The following METAP1 variants were observed in gnomAD, a reference collection of about 807,000 sequenced individuals.
The protein encoded by METAP1 is methionine aminopeptidase 1.
METAP1 carries 28 observed loss-of-function variants against 53.8 expected under a neutral mutation model. The observed-to-expected ratio is 0.52, with a 90% CI of 0.39 to 0.71. METAP1 has a LOEUF of 0.71. Ranked by LOEUF, METAP1 falls within the 30% of genes least tolerant of loss-of-function variation. The pLI, the probability that METAP1 is intolerant of heterozygous loss-of-function variation, is 0.00. For synonymous variants in METAP1, 181 were observed against 165.7 expected, an observed-to-expected ratio of 1.09 and a Z score of -0.71; for missense variants, 389 against 479.8, an observed-to-expected ratio of 0.81 and a Z score of 1.77.
At chr4:99,012,988 GTC>G (rs2110289864) in intron 1 of METAP1, among the ~76,000 whole-genome samples, 1 of 152,230 alleles carries the variant, frequency 6.6e-6, no homozygotes, top group South Asian at 2.1e-4. Context: ...AGAAAGGAGT[GTC>G]TGGATTAAAA....
At chr4:99,037,465 T>C (rs1485139656) in intron 4 of METAP1, among the ~76,000 whole-genome samples, 1 of 151,994 alleles carries the variant, frequency 6.6e-6, no homozygotes, top group East Asian at 1.9e-4. Flanking sequence ...ATCATTTGTA[T>C]ATCTGAAACT....
chr4:99,048,368 CT>C (rs34099231), intron 8 of METAP1, among the ~76,000 whole-genome samples: 30 of 148,492 alleles, frequency 2.0e-4, no homozygotes, highest in East Asian at 5.9e-4. Context: ...ATAGTAATTA[CT>C]TTTTTTTTTT....
intron 1 of METAP1, among the ~76,000 whole-genome samples, chr4:99,005,117 C>A (rs747305266): frequency 6.6e-6 from 1 of 152,034 alleles, no homozygotes; most frequent in African/African-American, 2.4e-5. Context: ...AGTGGTTGTA[C>A]TTCAAAATAA....
At chr4:99,050,456 A>G (rs931876122) in intron 9 of METAP1, among the ~76,000 whole-genome samples, 4 of 152,206 alleles carry the variant, frequency 2.6e-5, no homozygotes, top group African/African-American at 9.7e-5. Flanking sequence ...GTGAGGTGGT[A>G]AAATCCTAGA....
intron 1 of METAP1, among the ~76,000 whole-genome samples, chr4:98,997,151 T>C (rs918508337): frequency 6.6e-6 from 1 of 152,230 alleles, no homozygotes; most frequent in African/African-American, 2.4e-5. Context: ...AAGGCAGATA[T>C]ATGAACACAA....
At chr4:99,004,490 C>CACAT (rs1449676285) in intron 1 of METAP1, among the ~76,000 whole-genome samples, 38 of 38,636 alleles carry the variant, frequency 9.8e-4, no homozygotes, top group African/African-American at 2.0e-3. Context: ...CACATACACA[C>CACAT]ACACACACAC....
chr4:99,034,389 C>A, intron 3 of METAP1, 47 bp downstream of exon 3: 1 of 1,091,198 alleles, frequency 9.2e-7, no homozygotes, highest in Non-Finnish European at 1.4e-6. Flanking sequence ...TTGAATTTTC[C>A]AAAAATGATA....
At chr4:99,034,960 A>T (rs1560718035) in intron 3 of METAP1, among the ~76,000 whole-genome samples, 2 of 152,166 alleles carry the variant, frequency 1.3e-5, no homozygotes, top group African/African-American at 4.8e-5. Flanking sequence ...AATTCTCTTT[A>T]CTGATGATTT....
At chr4:99,014,340 G>A (rs1190811531) in intron 1 of METAP1, among the ~76,000 whole-genome samples, 15 of 152,236 alleles carry the variant, frequency 9.9e-5, no homozygotes, top group African/African-American at 3.6e-4. Flanking sequence ...TAATCATTAC[G>A]CAAACACCAC....
At chr4:99,012,483 C>T (rs967476112) in intron 1 of METAP1, among the ~76,000 whole-genome samples, 3 of 151,812 alleles carry the variant, frequency 2.0e-5, no homozygotes, top group African/African-American at 7.3e-5. Flanking sequence ...CCATGTTGGC[C>T]AGGCTAGTCT....
rs1726786954 is a variant in METAP1, at chr4:99,052,532, G to A, written c.931+3656G>A. 2.0e-5 allele frequency among the ~76,000 whole-genome samples: 3 copies of A among 152,134 alleles called. No homozygotes were observed. In the South Asian group the frequency reaches 6.2e-4, roughly 32 times the overall value. Reference sequence around the variant, plus strand: ...AGCAGGAGCAAGAGAGAGAGTGCATGGGAGGAGAAACAACCAGATCTCATG... The same window carrying A: ...AGCAGGAGCAAGAGAGAGAGTGCATAGGAGGAGAAACAACCAGATCTCATG... On this transcript the variant is annotated intron_variant, in intron 9 of 10. Coordinates refer to ENST00000296411, the MANE Select transcript of METAP1 (RefSeq NM_015143.3).
At chr4:99,026,475 T>TA (rs2110325159) in intron 1 of METAP1, 1 of 985,402 alleles carries the variant, frequency 1.0e-6, no homozygotes, top group African/African-American at 1.7e-5. Context: ...AGGACGTAGT[T>TA]ATAACGGTGA....
intron 9 of METAP1, among the ~76,000 whole-genome samples, chr4:99,053,537 G>C (rs879660611): frequency 2.6e-5 from 4 of 152,204 alleles, no homozygotes; most frequent in Admixed American, 6.5e-5. Context: ...ACAGGCGTGT[G>C]CCACCACACC....
At chr4:99,045,080 T>C in intron 7 of METAP1, 99 bp from the exon 8 acceptor site, 1 of 1,236,914 alleles carries the variant, frequency 8.1e-7, no homozygotes, top group South Asian at 1.5e-5. Context: ...GCAGAAGTTG[T>C]CTTTTTCATT....
chr4:99,033,506 G>T (rs1560716539), intron 2 of METAP1, among the ~76,000 whole-genome samples: 1 of 152,158 alleles, frequency 6.6e-6, no homozygotes, highest in Non-Finnish European at 1.5e-5. Flanking sequence ...TGTCTTCTGT[G>T]TGAGTAGAAT....
chr4:99,013,597 A>G (rs548144636), intron 1 of METAP1, among the ~76,000 whole-genome samples: 5 of 152,336 alleles, frequency 3.3e-5, no homozygotes, highest in South Asian at 2.1e-4. Flanking sequence ...TCCTGATGCA[A>G]TCCCCTATGG....
At chr4:99,014,094 G>A (rs1723623153) in intron 1 of METAP1, among the ~76,000 whole-genome samples, 1 of 152,294 alleles carries the variant, frequency 6.6e-6, no homozygotes, top group East Asian at 1.9e-4. Flanking sequence ...CGAATACAGG[G>A]TATGACACAA....
At chr4:99,045,406 AGGTTG>A in intron 8 of METAP1, 96 bp downstream of exon 8, 1 of 1,398,904 alleles carries the variant, frequency 7.1e-7, no homozygotes, top group African/African-American at 1.4e-5. Flanking sequence ...TGTACCTTCC[AGGTTG>A]CCCCTGTTCT....
At chr4:99,057,629 G>C in intron 9 of METAP1, 124 bp from the exon 10 acceptor site, 1 of 697,704 alleles carries the variant, frequency 1.4e-6, no homozygotes, top group Non-Finnish European at 2.4e-6. Flanking sequence ...TTTAAGAAAG[G>C]GAATCAGGGT....
Sources: gnomAD v4.1 joint callset for allele counts (sites outside exome capture counted in the v4.1 genomes callset) on GRCh38, gnomAD v4.1.1 for gene constraint, MANE v1.5 for transcripts, NCBI Gene and HGNC (gene_info 2026-07-23, HGNC 2026-07-21) for gene names.